ADAM22: variants seen among roughly 807,000 people sequenced by gnomAD.
ADAM22 encodes the protein disintegrin and metalloproteinase domain-containing protein 22.
A neutral mutation model predicts 144.6 loss-of-function variants in ADAM22; 65 were observed. That is an observed-to-expected ratio of 0.45 (90% CI 0.37 to 0.55). ADAM22 has a LOEUF of 0.55. ADAM22 is among the 20% of genes least tolerant of loss of function. The pLI is 0.00. For missense variants in ADAM22, 974 were observed against 1,184.9 expected, an observed-to-expected ratio of 0.82 and a Z score of 2.61; for synonymous variants, 391 against 412.6, an observed-to-expected ratio of 0.95 and a Z score of 0.63.
At chr7:88,172,442 G>A (rs1844575638) in intron 26 of ADAM22, among the ~76,000 whole-genome samples, 1 of 151,856 alleles carries the variant, frequency 6.6e-6, no homozygotes, top group Non-Finnish European at 1.5e-5. Flanking sequence ...TGGTATTTAT[G>A]CAGATTCCTA....
At chr7:88,188,397 G>A (rs577702130) in intron 30 of ADAM22, among the ~76,000 whole-genome samples, 2 of 152,264 alleles carry the variant, frequency 1.3e-5, no homozygotes, top group East Asian at 3.9e-4. Context: ...AAATGCTTCA[G>A]CACCCCTGAT....
intron 31 of ADAM22, among the ~76,000 whole-genome samples, chr7:88,195,958 C>A (rs1001306791): frequency 4.6e-5 from 7 of 152,156 alleles, no homozygotes; most frequent in African/African-American, 1.7e-4. Context: ...GAATCATCTG[C>A]AAAGCTTTTA....
At chr7:88,005,405 G>A (rs1003053778) in intron 3 of ADAM22, among the ~76,000 whole-genome samples, 1 of 152,146 alleles carries the variant, frequency 6.6e-6, no homozygotes, top group East Asian at 1.9e-4. Context: ...AGATTTTGGA[G>A]GCTGCAGGCC....
At chr7:88,100,204 A>G (rs1242230891) in intron 4 of ADAM22, among the ~76,000 whole-genome samples, 2 of 152,200 alleles carry the variant, frequency 1.3e-5, no homozygotes, top group Non-Finnish European at 2.9e-5. Context: ...AAAGGAAAAC[A>G]GTTGATATTT....
At chr7:88,002,590 A>G (rs1792833930) in intron 3 of ADAM22, among the ~76,000 whole-genome samples, 1 of 152,240 alleles carries the variant, frequency 6.6e-6, no homozygotes, top group Non-Finnish European at 1.5e-5. Context: ...GAAAGAATAA[A>G]TAATAGTTGG....
intron 3 of ADAM22, among the ~76,000 whole-genome samples, chr7:88,045,888 T>TTGTGTGTGTGTGTG (rs59898382): frequency 1.4e-3 from 194 of 134,014 alleles, no homozygotes; most frequent in South Asian, 8.1e-3. Context: ...TCGTATTCTA[T>TTGTGTGTGTGTGTG]TGTGTGTGTG....
At chr7:88,088,983 A>G (rs1294264500) in intron 4 of ADAM22, among the ~76,000 whole-genome samples, 2 of 151,956 alleles carry the variant, frequency 1.3e-5, no homozygotes, top group Non-Finnish European at 2.9e-5. Flanking sequence ...TATACTTAAC[A>G]TATTCTGTTA....
intron 3 of ADAM22, among the ~76,000 whole-genome samples, chr7:88,042,378 G>C (rs942059104): frequency 1.3e-5 from 2 of 151,708 alleles, no homozygotes. Flanking sequence ...GGATTATGTT[G>C]ATCTGGTATA....
chr7:88,184,331 C>A (rs1179550238), intron 29 of ADAM22: 1 of 439,546 alleles, frequency 2.3e-6, no homozygotes, highest in Non-Finnish European at 4.6e-6. Context: ...ACTCCCTCGC[C>A]CAGACAGTCC....
intron 2 of ADAM22, among the ~76,000 whole-genome samples, chr7:87,954,964 G>A (rs1447409525): frequency 6.6e-6 from 1 of 151,988 alleles, no homozygotes; most frequent in Non-Finnish European, 1.5e-5. Flanking sequence ...CGTAGTTCTC[G>A]AGCCTTGGCT....
intron 25 of ADAM22, 23 bp downstream of exon 25, chr7:88,168,250 G>A: frequency 6.3e-7 from 1 of 1,593,214 alleles, no homozygotes; most frequent in Non-Finnish European, 8.6e-7. Context: ...TCTCAGTCTT[G>A]TTACTATTGA....
At chr7:88,103,276 A>G (rs566234122) in intron 4 of ADAM22, among the ~76,000 whole-genome samples, 13 of 152,188 alleles carry the variant, frequency 8.5e-5, no homozygotes, top group African/African-American at 3.1e-4. Flanking sequence ...TCCTCATTTT[A>G]TGGCCCAGGC....
intron 4 of ADAM22, among the ~76,000 whole-genome samples, chr7:88,100,992 C>A (rs7793051): frequency 0.57 from 84,197 of 148,952 alleles, 24,821 homozygotes; most frequent in East Asian, 0.91. Context: ...CAGTGTATAC[C>A]CTTGGGGGGA....
chr7:88,079,752 G>A (rs974388689), intron 4 of ADAM22, among the ~76,000 whole-genome samples: 1 of 152,040 alleles, frequency 6.6e-6, no homozygotes, highest in Non-Finnish European at 1.5e-5. Context: ...GACAAAGAAG[G>A]CTATTACATA....
At chr7:88,195,783 C>T (rs1850565398) in intron 31 of ADAM22, among the ~76,000 whole-genome samples, 1 of 152,160 alleles carries the variant, frequency 6.6e-6, no homozygotes, top group Non-Finnish European at 1.5e-5. Context: ...TCCCAAAGTG[C>T]TGGGATTACA....
chr7:88,111,315 G>A (rs985765415), intron 5 of ADAM22, among the ~76,000 whole-genome samples: 1 of 152,056 alleles, frequency 6.6e-6, no homozygotes, highest in African/African-American at 2.4e-5. Flanking sequence ...GTTTAGATAT[G>A]AGATATATTA....
chr7:88,156,029 A>G, intron 22 of ADAM22, 23 bp downstream of exon 22: 2 of 1,610,752 alleles, frequency 1.2e-6, no homozygotes, highest in Non-Finnish European at 1.7e-6. Context: ...CCATTCTGTA[A>G]GAATCTGAGT....
At chr7:88,155,822 A>G (rs1183541074) in intron 21 of ADAM22, 65 bp from the exon 22 acceptor site, 20 of 1,550,222 alleles carry the variant, frequency 1.3e-5, no homozygotes, top group Non-Finnish European at 1.7e-5. Flanking sequence ...AGAGAAGATT[A>G]TTCTAACTGT....
intron 3 of ADAM22, among the ~76,000 whole-genome samples, chr7:88,030,918 C>T (rs928324652): frequency 3.3e-5 from 5 of 152,112 alleles, no homozygotes; most frequent in African/African-American, 1.2e-4. Context: ...AGATTGAGAC[C>T]ATCCTGGCTA....
Sources: gnomAD v4.1 joint callset for allele counts (sites outside exome capture counted in the v4.1 genomes callset) on GRCh38, gnomAD v4.1.1 for gene constraint, MANE v1.5 for transcripts, NCBI Gene and HGNC (gene_info 2026-07-23, HGNC 2026-07-21) for gene names.